The following GYG2 variants were observed in gnomAD, a reference collection of about 807,000 sequenced individuals.
The protein encoded by GYG2 is glycogenin 2.
In GYG2, 29 loss-of-function variants were observed where a neutral mutation model predicts 29.4. The observed-to-expected ratio is 0.99, with a 90% CI of 0.74 to 1.35. The LOEUF (loss-of-function observed/expected upper bound fraction) is 1.35. Among genes scored for constraint, GYG2 ranks in the 40% most tolerant of loss-of-function variants. The pLI, the probability that GYG2 is intolerant of heterozygous loss-of-function variation, is 0.00. For missense variants in GYG2, 370 were observed against 385.7 expected (o/e 0.96, Z 0.34); for synonymous variants, 167 against 172.3 (o/e 0.97, Z 0.24).
chrX:2,831,335 G>A (rs1457146078), intron 2 of GYG2, among the ~76,000 whole-genome samples: 2 of 112,106 alleles, frequency 1.8e-5, no homozygotes, highest in Non-Finnish European at 3.8e-5. Context: ...CAAAGTGCTG[G>A]GATTACAGGC....
chrX:2,849,846 G>T (rs1430546632), intron 3 of GYG2, among the ~76,000 whole-genome samples: 1 of 112,073 alleles, frequency 8.9e-6, no homozygotes, highest in Non-Finnish European at 1.9e-5. Context: ...CAAGCACAGT[G>T]GCTCATGCCT....
rs969621973 is a variant in GYG2 at position 2,881,884 on chromosome X, T to G, written c.*671T>G. 1.8e-5 allele frequency: 2 copies of G among 111,088 alleles called. No homozygotes were observed. The highest frequency in any genetic ancestry group is 6.6e-5 in the African/African-American group (2 of 30,513). The allele number at this position is 111,088 out of a possible 1,213,427, so 9.2% of individuals were successfully genotyped here. A position where few individuals can be genotyped will look rare whatever the true frequency, so the allele number is the denominator to read the frequency against. On this transcript the variant is annotated 3_prime_UTR_variant, in exon 11 of 11. Transcript: ENST00000398806. ...TGGGGAATGTGGGTGGCTTAGAGGA[T>G]CTAAACCGATTCACTTCCTGGTTGA...
Position 2,859,866 on chromosome X carries a change from T to A in GYG2, c.638T>A (p.Val213Asp). The A allele has an allele frequency of 8.3e-7, 1 of 1,200,847 alleles. No individual in the cohort carries two copies. Among genetic ancestry groups the A allele is most frequent in the Non-Finnish European group, 1.1e-6 (1 of 886,324 alleles). Residue 213 changes from valine (V) to aspartate (D), a missense_variant, in exon 7 of 11, where the codon GTC becomes GAC. Physicochemically the swap from Val to Asp is radical, Grantham distance 152. Transcript: ENST00000398806. The part of the protein sequence containing the change: ...FKQFGSSAKV[V>D]HFLGSMKPWN... ...AGATTCGGTTCCAGTGCAAAGGTCG[T>A]CCACTTTTTGGGGTCCATGAAACCT...
chrX:2,836,884 T>C (rs1277902999), intron 2 of GYG2, among the ~76,000 whole-genome samples: 1 of 111,127 alleles, frequency 9.0e-6, no homozygotes, highest in Non-Finnish European at 1.9e-5. Context: ...GGAGGATTGC[T>C]TGCTCTCAGG....
chrX:2,863,103 C>A (rs941564428), intron 8 of GYG2, among the ~76,000 whole-genome samples: 1 of 105,652 alleles, frequency 9.5e-6, no homozygotes, highest in East Asian at 3.1e-4. Flanking sequence ...GAGGCGGAGT[C>A]TCTCTCTGTC....
intron 2 of GYG2, among the ~76,000 whole-genome samples, chrX:2,833,354 A>G (rs188792552): frequency 9.0e-6 from 1 of 110,986 alleles, no homozygotes; most frequent in Admixed American, 9.6e-5. Flanking sequence ...CCATCTTCAA[A>G]TGCAGACACA....
chrX:2,848,462 T>C (rs1490717708), intron 3 of GYG2, among the ~76,000 whole-genome samples: 1 of 106,567 alleles, frequency 9.4e-6, no homozygotes, highest in Non-Finnish European at 1.9e-5. Flanking sequence ...CGCTTGAACC[T>C]GGGAGGCAGA....
chrX:2,844,787 T>G (rs1399763096), intron 3 of GYG2, among the ~76,000 whole-genome samples: 1 of 99,121 alleles, frequency 1.0e-5, no homozygotes, highest in African/African-American at 4.7e-5. Context: ...CGTATGCATA[T>G]ATATATACAT....
intron 10 of GYG2, 198 bp downstream of exon 10, chrX:2,877,505 C>G: frequency 9.6e-7 from 1 of 1,045,731 alleles, no homozygotes; most frequent in East Asian, 3.5e-5. Flanking sequence ...GGCCGACTCT[C>G]TTTTGCCATC....
At position 2,829,943 on chromosome X, in the gene GYG2, A is replaced by C. The variant is rs2087224194; in HGVS notation, c.-128-118A>C. On this transcript the variant is annotated intron_variant, in intron 1 of 10. Coordinates refer to ENST00000398806, the MANE Select transcript of GYG2 (RefSeq NM_001079855.2). ...TGCGGGGCGTGGAGGTCGCAGGGGC[A>C]TCGGGGGAGGCAGGGGCCCCGTGGG... 9.8e-6 allele frequency: 4 copies of C among 409,565 alleles called. No individual in the cohort carries two copies. The East Asian group carries it at 1.7e-4, about 17-fold the overall frequency. The allele number at this position is 409,565 out of a possible 1,213,427, so 33.8% of individuals were successfully genotyped here. A position where few individuals can be genotyped will look rare whatever the true frequency, so the allele number is the denominator to read the frequency against.
At chrX:2,858,075 A>G (rs913175072) in intron 6 of GYG2, among the ~76,000 whole-genome samples, 1 of 89,584 alleles carries the variant, frequency 1.1e-5, no homozygotes, top group Non-Finnish European at 2.5e-5. Flanking sequence ...ATGTTACTGC[A>G]TAATGGTTTG....
chrX:2,864,541 G>A (rs1274902553), intron 8 of GYG2, among the ~76,000 whole-genome samples: 2 of 110,412 alleles, frequency 1.8e-5, no homozygotes, highest in Non-Finnish European at 3.8e-5. Flanking sequence ...ACTGATATTG[G>A]GGTTCCAAGA....
intron 7 of GYG2, among the ~76,000 whole-genome samples, 156 bp from the exon 8 acceptor site, chrX:2,861,366 C>A (rs933661420): frequency 9.0e-6 from 1 of 111,679 alleles, no homozygotes; most frequent in Non-Finnish European, 1.9e-5. Flanking sequence ...TAGTGTCAAA[C>A]GGTCCTGAGA....
At chrX:2,859,674 A>T (rs1270497272) in intron 6 of GYG2, among the ~76,000 whole-genome samples, 169 bp from the exon 7 acceptor site, 1 of 110,984 alleles carries the variant, frequency 9.0e-6, no homozygotes, top group Non-Finnish European at 1.9e-5. Flanking sequence ...TATATTGGTT[A>T]CTATGCTGAT....
chrX:2,842,557 C>T (rs920559401), intron 2 of GYG2, among the ~76,000 whole-genome samples: 1 of 111,053 alleles, frequency 9.0e-6, no homozygotes, highest in African/African-American at 3.3e-5. Context: ...ATCAAGCCAT[C>T]ACTTCCACTT....
rs201622542 is a variant in GYG2 at position 2,860,035 on chromosome X, G to C, written c.807G>C (p.Ala269=). 15 of 1,190,947 alleles carry C rather than the reference G, an allele frequency of 1.3e-5. No individual in the cohort carries two copies. The highest frequency in any genetic ancestry group is 4.5e-6 in the Non-Finnish European group (4 of 882,415). ...TGCCCCTTTATAAAAGCGTCCAAGC[G>C]GGGGAAGCACGCGCGTCTCCTGGTC... ...NVLPLYKSVQ[A]GEARASPGHT... is the part of the protein sequence containing the mutation. Residue 269 remains alanine, a synonymous_variant, in exon 7 of 11, where the codon GCG becomes GCC. Coordinates refer to ENST00000398806, the MANE Select transcript of GYG2 (RefSeq NM_001079855.2).
At chrX:2,853,946 C>T (rs776842770) in intron 3 of GYG2, 34 bp from the exon 4 acceptor site, 23 of 1,081,560 alleles carry the variant, frequency 2.1e-5, no homozygotes, top group Non-Finnish European at 2.7e-5. Context: ...AATATTCACC[C>T]GCTGTCCCAC....
chrX:2,866,636 C>T (rs983312923), intron 8 of GYG2, among the ~76,000 whole-genome samples: 1 of 111,072 alleles, frequency 9.0e-6, no homozygotes, highest in African/African-American at 3.3e-5. Context: ...CTATAGCCAA[C>T]AGTAATCTAT....
chrX:2,843,157 G>A (rs1024113166), intron 2 of GYG2, 56 bp from the exon 3 acceptor site: 28 of 1,049,790 alleles, frequency 2.7e-5, no homozygotes, highest in East Asian at 9.1e-5. Flanking sequence ...CTATGGCCCC[G>A]TCACCCCTGC....
Sources: allele counts gnomAD v4.1 joint callset (sites outside exome capture counted in the v4.1 genomes callset), GRCh38; gene constraint gnomAD v4.1.1; transcripts MANE v1.5; gene names NCBI Gene and HGNC (gene_info 2026-07-23, HGNC 2026-07-21).